The following NEBL variants were observed in gnomAD, a reference collection of about 807,000 sequenced individuals.
NEBL encodes nebulette.
Under a neutral mutation model 140.2 loss-of-function variants are expected in NEBL, and 122 were observed. The ratio of observed to expected loss-of-function variants is 0.87; its 90% CI spans 0.75 to 1.01. The LOEUF (loss-of-function observed/expected upper bound fraction) is 1.01, where lower values mean the gene tolerates loss of function less well. Among genes scored for constraint, NEBL ranks in the 50% least tolerant of loss-of-function variants. NEBL has a pLI of 0.00. For missense variants in NEBL, 1,365 were observed against 1,231.3 expected (o/e 1.11, Z -1.62); for synonymous variants, 436 against 398.9 (o/e 1.09, Z -1.11).
At chr10:20,877,754 T>C (rs1228909456) in intron 5 of NEBL, among the ~76,000 whole-genome samples, 6 of 152,192 alleles carry the variant, frequency 3.9e-5, no homozygotes, top group Non-Finnish European at 8.8e-5. Flanking sequence ...GCAGTCTATG[T>C]AGAAAGTCAC....
intron 2 of NEBL, among the ~76,000 whole-genome samples, chr10:21,068,400 A>G (rs1835662205): frequency 6.6e-6 from 1 of 152,004 alleles, no homozygotes; most frequent in Non-Finnish European, 1.5e-5. Flanking sequence ...CTCAGTTTGT[A>G]CTCTCCTGGC....
chr10:21,282,280 G>T (rs1393525818), intron 1 of NEBL, among the ~76,000 whole-genome samples: 7 of 152,212 alleles, frequency 4.6e-5, no homozygotes, highest in Admixed American at 2.0e-4. Flanking sequence ...AGCAATCCAG[G>T]CCTTGGGGAA....
chr10:21,016,651 T>G (rs1224547327), intron 3 of NEBL, among the ~76,000 whole-genome samples: 1 of 152,174 alleles, frequency 6.6e-6, no homozygotes, highest in African/African-American at 2.4e-5. Context: ...GAGCTATGAA[T>G]AGATGTGATT....
At chr10:21,053,542 G>T (rs1371010761) in intron 2 of NEBL, among the ~76,000 whole-genome samples, 1 of 152,086 alleles carries the variant, frequency 6.6e-6, no homozygotes, top group East Asian at 1.9e-4. Flanking sequence ...TAATAAAGCT[G>T]TTTTCATTTT....
intron 2 of NEBL, among the ~76,000 whole-genome samples, chr10:21,034,804 T>A (rs958274525): frequency 2.6e-5 from 4 of 152,192 alleles, no homozygotes; most frequent in Non-Finnish European, 2.9e-5. Flanking sequence ...GCATCTTTTT[T>A]AAATTTTTAT....
At chr10:20,898,678 TGAG>T (rs1847691105), upstream of NEBL, among the ~76,000 whole-genome samples, 1 of 152,222 alleles carries the variant, frequency 6.6e-6, no homozygotes, top group Non-Finnish European at 1.5e-5. Flanking sequence ...CTAGAAGTTC[TGAG>T]AAGACCTTCA....
At chr10:21,060,700 C>G (rs1835234040) in intron 2 of NEBL, among the ~76,000 whole-genome samples, 1 of 152,094 alleles carries the variant, frequency 6.6e-6, no homozygotes, top group South Asian at 2.1e-4. Context: ...TGCTTGCCTT[C>G]TCTAACTCCT....
chr10:20,951,771 T>C (rs1835479467), intron 4 of NEBL, among the ~76,000 whole-genome samples: 1 of 152,308 alleles, frequency 6.6e-6, no homozygotes. Flanking sequence ...TTCTGGTTTT[T>C]CTTTAACATT....
At chr10:21,214,083 G>C (rs575096101) in intron 3 of NEBL, among the ~76,000 whole-genome samples, 1 of 151,902 alleles carries the variant, frequency 6.6e-6, no homozygotes, top group South Asian at 2.1e-4. Context: ...TTCTGTCTTA[G>C]TCTTCTTCAA....
intron 4 of NEBL, among the ~76,000 whole-genome samples, chr10:20,907,224 T>A (rs1848130087): frequency 6.6e-6 from 1 of 152,168 alleles, no homozygotes; most frequent in Non-Finnish European, 1.5e-5. Flanking sequence ...ACAACCTGAT[T>A]TTAATTTCCA....
chr10:21,041,603 G>A (rs374356062), intron 2 of NEBL, among the ~76,000 whole-genome samples: 30 of 152,082 alleles, frequency 2.0e-4, no homozygotes, highest in African/African-American at 6.0e-4. Flanking sequence ...TCACTAGAAG[G>A]ATAGTTAGAT....
At chr10:20,935,038 C>CA (rs1397783002) in intron 4 of NEBL, among the ~76,000 whole-genome samples, 1 of 152,102 alleles carries the variant, frequency 6.6e-6, no homozygotes, top group African/African-American at 2.4e-5. Flanking sequence ...TACTGAAGGC[C>CA]AATACATGCC....
upstream of NEBL, among the ~76,000 whole-genome samples, chr10:20,901,237 G>A (rs557412167): frequency 1.3e-5 from 2 of 152,120 alleles, no homozygotes; most frequent in African/African-American, 2.4e-5. Flanking sequence ...TTATAATTCA[G>A]AAGTCTTCTG....
Position 20,926,680 on chromosome 10 carries a change from G to A in NEBL, c.357+34992C>T, listed in dbSNP as rs747322072. ...TTAGCTGGATTCATGTGAGCTGAGCGGGTGCAGGGGGAGAGTGTGTCGTCT... is the reference window on the plus strand; with the variant it reads ...TTAGCTGGATTCATGTGAGCTGAGCAGGTGCAGGGGGAGAGTGTGTCGTCT... On this transcript the variant is annotated intron_variant, in intron 4 of 6. Transcript: ENST00000417816. Among the ~76,000 whole-genome samples the A allele has an allele frequency of 2.4e-4, 36 of 152,304 alleles. 1 individual carries two copies. Among genetic ancestry groups the A allele is most frequent in the Non-Finnish European group, 4.9e-4 (33 of 68,036 alleles).
At chr10:20,952,465 G>C (rs1472595168) in intron 4 of NEBL, among the ~76,000 whole-genome samples, 1 of 150,272 alleles carries the variant, frequency 6.7e-6, no homozygotes, top group Non-Finnish European at 1.5e-5. Context: ...AAAAAGAACT[G>C]GAAATAGGAT....
At chr10:21,141,270 A>T (rs1317585890) in intron 2 of NEBL, among the ~76,000 whole-genome samples, 2 of 152,174 alleles carry the variant, frequency 1.3e-5, no homozygotes, top group Non-Finnish European at 2.9e-5. Context: ...ATCAATGTTA[A>T]TTTCCCAGTT....
intron 2 of NEBL, among the ~76,000 whole-genome samples, chr10:21,135,035 G>A (rs757714046): frequency 4.6e-5 from 7 of 152,066 alleles, no homozygotes; most frequent in Non-Finnish European, 1.0e-4. Context: ...CGAGGGCAAC[G>A]TTTGTCCAGG....
intron 12 of NEBL, among the ~76,000 whole-genome samples, chr10:20,844,996 C>A (rs1328309786): frequency 3.9e-5 from 6 of 152,042 alleles, no homozygotes; most frequent in African/African-American, 1.4e-4. Context: ...TGAGCTACAA[C>A]TAAAACAAAA....
chr10:20,991,458 A>T (rs1378703650), intron 3 of NEBL, among the ~76,000 whole-genome samples: 1 of 152,176 alleles, frequency 6.6e-6, no homozygotes, highest in East Asian at 1.9e-4. Context: ...CATGGAAAAG[A>T]TAAAATTTTC....
Sources: gnomAD v4.1 joint callset for allele counts (sites outside exome capture counted in the v4.1 genomes callset) on GRCh38, gnomAD v4.1.1 for gene constraint, MANE v1.5 for transcripts, NCBI Gene and HGNC (gene_info 2026-07-23, HGNC 2026-07-21) for gene names.